Variants in TTC27 observed in about 807,000 individuals in gnomAD.
The protein encoded by TTC27 is tetratricopeptide repeat protein 27.
Under a neutral mutation model 115.9 loss-of-function variants are expected in TTC27, and 79 were observed. That is an observed-to-expected ratio of 0.68 (90% CI 0.57 to 0.82). TTC27 has a LOEUF of 0.82. Among genes scored for constraint, TTC27 ranks in the 40% least tolerant of loss-of-function variants. The pLI is 0.00. For missense variants in TTC27, 1,054 were observed against 993.1 expected (o/e 1.06, Z -0.82); for synonymous variants, 401 against 356.0 (o/e 1.13, Z -1.42).
chr2:32,690,012 G>A (rs1411754682), intron 9 of TTC27, among the ~76,000 whole-genome samples: 1 of 152,146 alleles, frequency 6.6e-6, no homozygotes, highest in African/African-American at 2.4e-5. Context: ...TTGGGGAACT[G>A]GGTGAAGGAT....
intron 2 of TTC27, among the ~76,000 whole-genome samples, chr2:32,633,024 T>C (rs1212199519): frequency 6.6e-6 from 1 of 152,238 alleles, no homozygotes; most frequent in Admixed American, 6.5e-5. Context: ...AAAATATCTA[T>C]ATGTTTTGTT....
chr2:32,719,168 G>A (rs1188143130), intron 10 of TTC27, among the ~76,000 whole-genome samples: 1 of 152,082 alleles, frequency 6.6e-6, no homozygotes, highest in Non-Finnish European at 1.5e-5. Context: ...TGGAATACAG[G>A]GTCACCCTCA....
At chr2:32,743,748 A>C (rs1668724254) in intron 12 of TTC27, among the ~76,000 whole-genome samples, 1 of 152,184 alleles carries the variant, frequency 6.6e-6, no homozygotes, top group Non-Finnish European at 1.5e-5. Context: ...TTAGAAGGGC[A>C]TGTGAAATTC....
chr2:32,686,628 TG>T (rs2151892948), intron 9 of TTC27, among the ~76,000 whole-genome samples: 1 of 151,924 alleles, frequency 6.6e-6, no homozygotes, highest in African/African-American at 2.4e-5. Flanking sequence ...CCCAAAGTGC[TG>T]GAGTTACAGG....
intron 4 of TTC27, 65 bp from the exon 5 acceptor site, chr2:32,650,066 A>G: frequency 7.5e-7 from 1 of 1,326,132 alleles, no homozygotes; most frequent in African/African-American, 1.5e-5. Flanking sequence ...TAAAAATCTC[A>G]GTTAATGTAA....
chr2:32,698,345 T>C (rs1667063960), intron 9 of TTC27, among the ~76,000 whole-genome samples: 1 of 151,958 alleles, frequency 6.6e-6, no homozygotes, highest in Non-Finnish European at 1.5e-5. Flanking sequence ...CTGCCCAGAC[T>C]GATTTCAAAC....
chr2:32,640,145 G>A, intron 3 of TTC27, 125 bp from the exon 4 acceptor site: 1 of 864,422 alleles, frequency 1.2e-6, no homozygotes, highest in East Asian at 2.7e-5. Context: ...GCCAATTGCT[G>A]TGTAATATAT....
At chr2:32,759,578 C>T (rs1422363559) in intron 13 of TTC27, among the ~76,000 whole-genome samples, 3 of 152,046 alleles carry the variant, frequency 2.0e-5, no homozygotes, top group East Asian at 3.8e-4. Flanking sequence ...ATAGTGAGAC[C>T]TCATCTCTGA....
At chr2:32,788,378 T>A (rs1423152892) in intron 16 of TTC27, among the ~76,000 whole-genome samples, 1 of 149,782 alleles carries the variant, frequency 6.7e-6, no homozygotes, top group Non-Finnish European at 1.5e-5. Flanking sequence ...TGAATTAGTT[T>A]ACACACCAAG....
chr2:32,739,237 C>T (rs1225408860), intron 12 of TTC27, among the ~76,000 whole-genome samples: 2 of 152,124 alleles, frequency 1.3e-5, no homozygotes, highest in African/African-American at 4.8e-5. Context: ...TCTTTTTACA[C>T]TGGCCAAGAA....
intron 16 of TTC27, among the ~76,000 whole-genome samples, chr2:32,808,150 G>T (rs1671197809): frequency 6.6e-6 from 1 of 151,796 alleles, no homozygotes; most frequent in African/African-American, 2.4e-5. Flanking sequence ...GGCCAGGCTG[G>T]TCTTGAATTC....
chr2:32,709,948 T>A (rs1480741180), intron 10 of TTC27, among the ~76,000 whole-genome samples: 3 of 152,252 alleles, frequency 2.0e-5, no homozygotes, highest in Non-Finnish European at 4.4e-5. Context: ...GAAATACACA[T>A]AATACTTTTT....
At chr2:32,757,412 C>A (rs1669271206) in intron 12 of TTC27, among the ~76,000 whole-genome samples, 1 of 152,102 alleles carries the variant, frequency 6.6e-6, no homozygotes, top group South Asian at 2.1e-4. Flanking sequence ...AAGCAGTGTT[C>A]CCCTTTTATT....
chr2:32,798,477 G>A (rs1295149627), intron 16 of TTC27, among the ~76,000 whole-genome samples: 4 of 151,862 alleles, frequency 2.6e-5, no homozygotes, highest in Non-Finnish European at 5.9e-5. Flanking sequence ...GCCGAGGCGG[G>A]CGGATCACGA....
At chr2:32,740,799 C>A (rs1233579987) in intron 12 of TTC27, among the ~76,000 whole-genome samples, 1 of 152,104 alleles carries the variant, frequency 6.6e-6, no homozygotes, top group Non-Finnish European at 1.5e-5. Context: ...GGATTACAGG[C>A]GTGCAGCACC....
At chr2:32,692,049 T>TG (rs1479631650) in intron 9 of TTC27, among the ~76,000 whole-genome samples, 1 of 123,414 alleles carries the variant, frequency 8.1e-6, no homozygotes, top group Non-Finnish European at 1.7e-5. Context: ...TTTTTTTTTT[T>TG]TTTTTTTTTT....
intron 16 of TTC27, among the ~76,000 whole-genome samples, chr2:32,789,887 C>T (rs1161472561): frequency 7.2e-6 from 1 of 139,272 alleles, no homozygotes; most frequent in Non-Finnish European, 1.5e-5. Flanking sequence ...CACCACTGTA[C>T]CCCAGCCTGG....
chr2:32,666,365 T>TTC (rs1266119435), intron 6 of TTC27, among the ~76,000 whole-genome samples: 3 of 151,900 alleles, frequency 2.0e-5, no homozygotes, highest in Non-Finnish European at 4.4e-5. Context: ...GTTACTTTTT[T>TTC]TTTTTTTTTT....
Position 32,782,649 on chromosome 2 carries a change from G to C in TTC27, c.1803G>C (p.Leu601Phe), listed in dbSNP as rs1439936912. 2 of 1,611,878 alleles carry C rather than the reference G, an allele frequency of 1.2e-6. No individual in the cohort carries two copies. Among genetic ancestry groups the C allele is most frequent in the Non-Finnish European group, 1.7e-6 (2 of 1,178,646 alleles). ...EPDNAEAWNN[L>F]STSYIRLKQK... ...AGAATGCTGAAGCTTGGAACAATTT[G>C]TCAACTTCCTATATCCGATTAAAAC... The change falls in exon 15 of 20, where the codon TTG becomes TTC. Residue 601 changes from leucine to phenylalanine, a missense_variant. By Grantham distance (22) the Leu-to-Phe change is conservative (BLOSUM62 0). Transcript: ENST00000317907.
Sources: gnomAD v4.1 joint callset for allele counts (sites outside exome capture counted in the v4.1 genomes callset) on GRCh38, gnomAD v4.1.1 for gene constraint, MANE v1.5 for transcripts, NCBI Gene and HGNC (gene_info 2026-07-23, HGNC 2026-07-21) for gene names.